WASHC5: variants seen among roughly 807,000 people sequenced by gnomAD.
WASHC5 encodes WASH complex subunit strumpellin.
A neutral mutation model predicts 150.4 loss-of-function variants in WASHC5; 101 were observed. The observed-to-expected ratio is 0.67, with a 90% CI of 0.57 to 0.79. The LOEUF is 0.79. Ranked by LOEUF, WASHC5 falls within the 30% of genes least tolerant of loss-of-function variation. WASHC5 has a pLI of 0.00. For synonymous variants in WASHC5, 467 were observed against 491.2 expected, an observed-to-expected ratio of 0.95 and a Z score of 0.65; for missense variants, 1,195 against 1,396.3, an observed-to-expected ratio of 0.86 and a Z score of 2.30.
chr8:125,080,569 A>G (rs1163966806), intron 5 of WASHC5, among the ~76,000 whole-genome samples: 2 of 152,192 alleles, frequency 1.3e-5, no homozygotes, highest in African/African-American at 2.4e-5. Context: ...TAAGTTTGAA[A>G]ATGTTAATTC....
intron 10 of WASHC5, among the ~76,000 whole-genome samples, chr8:125,064,283 A>G (rs184257657): frequency 1.8e-4 from 27 of 152,110 alleles, no homozygotes; most frequent in Admixed American, 2.6e-4. Flanking sequence ...GCTCACTACA[A>G]CCTTGAACTC....
intron 17 of WASHC5, among the ~76,000 whole-genome samples, chr8:125,052,326 T>C (rs1816263097): frequency 6.6e-6 from 1 of 152,170 alleles, no homozygotes; most frequent in Admixed American, 6.5e-5. Context: ...TTCTCACTAA[T>C]CTGTGGAAGT....
At chr8:125,056,167 A>G (rs939866155) in intron 16 of WASHC5, among the ~76,000 whole-genome samples, 2 of 152,200 alleles carry the variant, frequency 1.3e-5, no homozygotes, top group African/African-American at 4.8e-5. Context: ...ACTGTACATC[A>G]TATTTTCAAT....
At chr8:125,028,747 ACAT>A in intron 27 of WASHC5, 40 bp from the exon 28 acceptor site, 1 of 1,369,788 alleles carries the variant, frequency 7.3e-7, no homozygotes, top group Non-Finnish European at 1.0e-6. Context: ...ACTGCTTTGC[ACAT>A]CATAAGCCCT....
chr8:125,043,945 A>T, intron 22 of WASHC5, 41 bp from the exon 23 acceptor site: 1 of 1,553,140 alleles, frequency 6.4e-7, no homozygotes, highest in Non-Finnish European at 8.7e-7. Flanking sequence ...GTACATTCGT[A>T]AAGGCTACAG....
At chr8:125,080,490 C>T (rs1489915963) in intron 5 of WASHC5, among the ~76,000 whole-genome samples, 1 of 145,762 alleles carries the variant, frequency 6.9e-6, no homozygotes, top group African/African-American at 2.8e-5. Flanking sequence ...CACAGTAGTA[C>T]CTGGTATTGC....
intron 23 of WASHC5, among the ~76,000 whole-genome samples, chr8:125,041,638 C>T (rs1331474034): frequency 6.9e-6 from 1 of 145,094 alleles, no homozygotes; most frequent in Non-Finnish European, 1.5e-5. Flanking sequence ...GAGACTGTCT[C>T]AAAAAAAAAA....
rs550491664 is a variant in WASHC5, at chr8:125,075,279, T to A, written c.865-168A>T. 6.4e-4 allele frequency among the ~76,000 whole-genome samples: 98 copies of A among 152,296 alleles called. No homozygotes were observed. The Middle Eastern group carries it at 0.01, about 16-fold the overall frequency. On this transcript the variant is annotated intron_variant, in intron 7 of 28. Coordinates refer to ENST00000318410, the MANE Select transcript of WASHC5 (RefSeq NM_014846.4). ...TAAGTGTTCCTGATTGTTAAGTAAG[T>A]GTTCCTGATTGTTAATTCACGTTAA... is the stretch of plus-strand genomic sequence containing the variant.
chr8:125,068,740 C>T (rs1816820138), intron 9 of WASHC5, among the ~76,000 whole-genome samples: 1 of 152,178 alleles, frequency 6.6e-6, no homozygotes, highest in South Asian at 2.1e-4. Flanking sequence ...GAGGGCATGG[C>T]AGGCAGTCAG....
At chr8:125,071,672 A>G (rs765059838) in intron 9 of WASHC5, among the ~76,000 whole-genome samples, 21 of 152,122 alleles carry the variant, frequency 1.4e-4, no homozygotes, top group Admixed American at 2.6e-4. Context: ...CTCAAATCAC[A>G]CCAACTGTCT....
intron 23 of WASHC5, among the ~76,000 whole-genome samples, chr8:125,041,202 A>G (rs59652837): frequency 0.03 from 4,576 of 152,260 alleles, 241 homozygotes; most frequent in African/African-American, 0.1. Context: ...CTGCCTATAA[A>G]TGTCTTCTTT....
rs2303529 is a variant in WASHC5 at position 125,055,743 on chromosome 8, A to T, written c.2017-72T>A. The T allele has an allele frequency of 0.057, 55,276 of 961,678 alleles. 4,551 individuals carry two copies. The highest frequency in any genetic ancestry group is 0.31 in the African/African-American group (19,150 of 62,412). 59.6% of individuals were successfully genotyped at this position (961,678 alleles called of 1,614,324 possible). On this transcript the variant is annotated intron_variant, in intron 16 of 28. Transcript: ENST00000318410. ...TGGAATGAACAAAGATAACAGGAAAAGAACTTGTAGCTTTAGGACACCTGT... is the reference window on the plus strand; with the variant it reads ...TGGAATGAACAAAGATAACAGGAAATGAACTTGTAGCTTTAGGACACCTGT...
At chr8:125,073,584 CAT>C (rs1167957076) in intron 8 of WASHC5, among the ~76,000 whole-genome samples, 1 of 151,970 alleles carries the variant, frequency 6.6e-6, no homozygotes, top group Non-Finnish European at 1.5e-5. Context: ...AGGGCTCAAA[CAT>C]TAACATTTTT....
At position 125,059,258 on chromosome 8, in the gene WASHC5, T is replaced by C. The variant is rs767965256; in HGVS notation, c.1728A>G (p.Pro576=). The C allele has an allele frequency of 4.8e-5, 77 of 1,613,918 alleles. No individual in the cohort carries two copies. The highest frequency in any genetic ancestry group is 6.4e-5 in the Non-Finnish European group (75 of 1,179,916). Residue 576 remains proline (P), a synonymous_variant, in exon 14 of 29, where the codon CCA becomes CCG. Coordinates refer to ENST00000318410, the MANE Select transcript of WASHC5 (RefSeq NM_014846.4). ...TAGCTCTGAGTTTAGTAACCATGGA[T>C]GGATTTACCCTTATGCTTTCTTGCA... ...SIMQESIRVN[P]SMVTKLRATF...
At chr8:125,061,827 C>G (rs1816603925) in intron 11 of WASHC5, among the ~76,000 whole-genome samples, 1 of 152,172 alleles carries the variant, frequency 6.6e-6, no homozygotes, top group Non-Finnish European at 1.5e-5. Context: ...AGTATTTGAT[C>G]TTCATAGCAA....
At chr8:125,077,967 C>T (rs540372272) in intron 6 of WASHC5, among the ~76,000 whole-genome samples, 47 of 152,264 alleles carry the variant, frequency 3.1e-4, no homozygotes, top group African/African-American at 9.4e-4. Context: ...ACACAAAAAA[C>T]TAACAAGCTA....
chr8:125,048,889 T>C (rs1231041913), intron 19 of WASHC5, 117 bp downstream of exon 19: 1 of 822,504 alleles, frequency 1.2e-6, no homozygotes, highest in East Asian at 2.7e-5. Context: ...GAAAGTACTC[T>C]GAAGGTACTG....
chr8:125,043,375 G>A (rs1815952880), intron 23 of WASHC5, among the ~76,000 whole-genome samples: 2 of 152,206 alleles, frequency 1.3e-5, no homozygotes, highest in South Asian at 4.1e-4. Flanking sequence ...TTTCTGCAGA[G>A]TATAAGGATA....
intron 17 of WASHC5, among the ~76,000 whole-genome samples, chr8:125,053,205 A>G (rs28513909): frequency 0.025 from 3,795 of 151,454 alleles, 152 homozygotes; most frequent in African/African-American, 0.087. Context: ...TACACTTTTT[A>G]TAAGTGTTTG....
Sources: gnomAD v4.1 joint callset for allele counts (sites outside exome capture counted in the v4.1 genomes callset) on GRCh38, gnomAD v4.1.1 for gene constraint, MANE v1.5 for transcripts, NCBI Gene and HGNC (gene_info 2026-07-23, HGNC 2026-07-21) for gene names.